ADGRV1: variants seen among roughly 807,000 people sequenced by gnomAD.
The protein encoded by ADGRV1 is adhesion G protein-coupled receptor V1, also known as G-protein coupled receptor 98.
ADGRV1 carries 359 observed loss-of-function variants against 596.2 expected under a neutral mutation model. The ratio of observed to expected loss-of-function variants is 0.60; its 90% CI spans 0.55 to 0.66. The LOEUF (loss-of-function observed/expected upper bound fraction) is 0.66. ADGRV1 is among the 30% of genes least tolerant of loss of function. ADGRV1 has a pLI of 0.00. For synonymous variants in ADGRV1, 2,681 were observed against 2,679.2 expected (o/e 1.00, Z -0.02); for missense variants, 7,274 against 7,575.6 (o/e 0.96, Z 1.48).
At chr5:91,072,308 C>T (rs761704329) in intron 85 of ADGRV1, 139 bp from the exon 86 acceptor site, 46 of 720,978 alleles carry the variant, frequency 6.4e-5, no homozygotes, top group Non-Finnish European at 1.0e-4. Context: ...AACAAAACTT[C>T]AGTTTGGCAA....
intron 85 of ADGRV1, among the ~76,000 whole-genome samples, chr5:91,063,287 GT>G (rs1468064998): frequency 2.6e-5 from 4 of 152,038 alleles, no homozygotes; most frequent in Non-Finnish European, 2.9e-5. Context: ...CCCTTTTCCT[GT>G]TTGCTCCAAG....
chr5:90,984,849 A>C (rs927212669), intron 84 of ADGRV1, among the ~76,000 whole-genome samples: 4 of 152,224 alleles, frequency 2.6e-5, no homozygotes, highest in African/African-American at 9.6e-5. Context: ...TCCACTGGAC[A>C]CTGAGATCAA....
At chr5:90,887,328 G>A (rs892725310) in intron 83 of ADGRV1, among the ~76,000 whole-genome samples, 2 of 152,002 alleles carry the variant, frequency 1.3e-5, no homozygotes, top group East Asian at 1.9e-4. Flanking sequence ...GTTAAATGTC[G>A]CCTTTTATGG....
chr5:90,889,478 C>T lies in ADGRV1; in HGVS notation c.17856+25621C>T, dbSNP rs532504247. Among the ~76,000 whole-genome samples, 5 of 152,062 alleles carry T rather than the reference C, an allele frequency of 3.3e-5. No individual in the cohort carries two copies. In the South Asian group the frequency reaches 1.0e-3, roughly 32 times the overall value. ...CCATTGTTTTCACTACTAGAATATC[C>T]CCTTAAGTATATATTCTTAAACAGG... On this transcript the variant is annotated intron_variant, in intron 83 of 89. Coordinates refer to ENST00000405460, the MANE Select transcript of ADGRV1 (RefSeq NM_032119.4).
intron 87 of ADGRV1, among the ~76,000 whole-genome samples, chr5:91,130,522 C>CA (rs11423089): frequency 0.87 from 63,905 of 73,434 alleles, 28,507 homozygotes; most frequent in Non-Finnish European, 0.94. Flanking sequence ...AACTCCATCT[C>CA]AAAAAAAAAA....
intron 89 of ADGRV1, among the ~76,000 whole-genome samples, chr5:91,158,849 G>GTGGATGGATGGA (rs35809247): frequency 6.2e-5 from 9 of 146,210 alleles, no homozygotes; most frequent in East Asian, 2.1e-4. Flanking sequence ...ACATGGATGG[G>GTGGATGGATGGA]TGGATGGATG....
In ADGRV1 at chr5:90,706,302, G is replaced by T; in HGVS notation, c.8638G>T (p.Ala2880Ser). ...SLKNQTVGNL[A>S]EPEVDFVPII... ...GAAGAACCAAACAGTAGGAAACCTAGCAGAGCCAGAAGTTGATTTTGTCCC... is the reference window on the plus strand; with the variant it reads ...GAAGAACCAAACAGTAGGAAACCTATCAGAGCCAGAAGTTGATTTTGTCCC... The change falls in exon 38 of 90, where the codon GCA becomes TCA. Residue 2880 changes from alanine (A) to serine (S), a missense_variant. Physicochemically the swap from Ala to Ser is moderately conservative, Grantham distance 99. Coordinates refer to ENST00000405460, the MANE Select transcript of ADGRV1 (RefSeq NM_032119.4). 1 of 1,613,530 alleles carries T rather than the reference G, an allele frequency of 6.2e-7. No individual in the cohort carries two copies. The highest frequency in any genetic ancestry group is 8.5e-7 in the Non-Finnish European group (1 of 1,179,664).
chr5:90,851,134 T>TGAGAGA (rs141999531), intron 79 of ADGRV1, among the ~76,000 whole-genome samples: 114 of 81,510 alleles, frequency 1.4e-3, no homozygotes, highest in Non-Finnish European at 2.0e-3. Flanking sequence ...TGTGTGTGTG[T>TGAGAGA]GAGAGAGAGA....
intron 59 of ADGRV1, among the ~76,000 whole-genome samples, chr5:90,771,391 G>T (rs1757676820): frequency 6.6e-6 from 1 of 152,118 alleles, no homozygotes; most frequent in South Asian, 2.1e-4. Flanking sequence ...TGGGTTCTTT[G>T]TTGCAAAATG....
At chr5:90,752,311 A>G (rs1007278563) in intron 53 of ADGRV1, among the ~76,000 whole-genome samples, 2 of 151,952 alleles carry the variant, frequency 1.3e-5, no homozygotes, top group African/African-American at 4.8e-5. Context: ...TTTAACTTTT[A>G]TTTTAAGTTC....
At chr5:91,100,847 TAATCTA>T (rs1261954803) in intron 86 of ADGRV1, among the ~76,000 whole-genome samples, 1 of 152,222 alleles carries the variant, frequency 6.6e-6, no homozygotes, top group Non-Finnish European at 1.5e-5. Context: ...TAACGGCTTA[TAATCTA>T]AATCTAATCA....
chr5:90,768,476 A>G (rs1757370385), intron 59 of ADGRV1, among the ~76,000 whole-genome samples: 1 of 152,192 alleles, frequency 6.6e-6, no homozygotes, highest in African/African-American at 2.4e-5. Flanking sequence ...TAGTATTCAC[A>G]TTGGCAATAA....
At chr5:91,017,245 T>G (rs1783248210) in intron 85 of ADGRV1, among the ~76,000 whole-genome samples, 1 of 151,982 alleles carries the variant, frequency 6.6e-6, no homozygotes, top group Admixed American at 6.6e-5. Context: ...CCACATGAAC[T>G]ACATTTGGAC....
At chr5:90,643,738 A>T (rs1321776449) in intron 13 of ADGRV1, 65 bp from the exon 14 acceptor site, 3 of 1,221,684 alleles carry the variant, frequency 2.5e-6, no homozygotes, top group East Asian at 5.1e-5. Context: ...TTGAATATTT[A>T]TGTTTTTAAA....
At chr5:90,732,566 A>G (rs1406382550) in intron 50 of ADGRV1, among the ~76,000 whole-genome samples, 2 of 152,186 alleles carry the variant, frequency 1.3e-5, no homozygotes, top group South Asian at 2.1e-4. Flanking sequence ...GAAATTACCC[A>G]TCTTATAACT....
At chr5:90,990,591 T>C (rs1404370922) in intron 85 of ADGRV1, among the ~76,000 whole-genome samples, 1 of 152,206 alleles carries the variant, frequency 6.6e-6, no homozygotes, top group Non-Finnish European at 1.5e-5. Context: ...CCTCCTGCTG[T>C]GCGGCCCTAT....
intron 39 of ADGRV1, 54 bp downstream of exon 39, chr5:90,708,963 A>T: frequency 5.8e-6 from 7 of 1,206,598 alleles, no homozygotes; most frequent in Non-Finnish European, 8.6e-6. Flanking sequence ...GAAATGAAGA[A>T]ACTTCATTTT....
intron 83 of ADGRV1, among the ~76,000 whole-genome samples, chr5:90,883,743 A>T (rs1432654444): frequency 6.6e-6 from 1 of 152,128 alleles, no homozygotes; most frequent in Non-Finnish European, 1.5e-5. Context: ...GCTAGCAGAT[A>T]TGTCCATGTG....
intron 27 of ADGRV1, among the ~76,000 whole-genome samples, chr5:90,683,268 T>G (rs768978297): frequency 2.6e-5 from 4 of 152,170 alleles, no homozygotes; most frequent in Non-Finnish European, 5.9e-5. Flanking sequence ...TGGAGTGCAG[T>G]GACACCATCA....
Sources: allele counts gnomAD v4.1 joint callset (sites outside exome capture counted in the v4.1 genomes callset), GRCh38; gene constraint gnomAD v4.1.1; transcripts MANE v1.5; gene names NCBI Gene and HGNC (gene_info 2026-07-23, HGNC 2026-07-21).